KIAA1217: variants seen among roughly 807,000 people sequenced by gnomAD.
KIAA1217 encodes the protein sickle tail protein homolog.
KIAA1217 carries 88 observed loss-of-function variants against 163.9 expected under a neutral mutation model. The observed-to-expected ratio is 0.54, with a 90% CI of 0.45 to 0.64. KIAA1217 has a LOEUF of 0.64. Ranked by LOEUF, KIAA1217 falls within the 30% of genes least tolerant of loss-of-function variation. KIAA1217 has a pLI of 0.00. For synonymous variants in KIAA1217, 903 were observed against 923.1 expected, an observed-to-expected ratio of 0.98 and a Z score of 0.39; for missense variants, 2,372 against 2,475.0, an observed-to-expected ratio of 0.96 and a Z score of 0.88.
At chr10:24,452,622 C>A (rs2061466042) in intron 5 of KIAA1217, among the ~76,000 whole-genome samples, 1 of 143,714 alleles carries the variant, frequency 7.0e-6, no homozygotes, top group Admixed American at 7.3e-5. Flanking sequence ...TTTGAGCTTG[C>A]AGTGAGCCGA....
intron 1 of KIAA1217, among the ~76,000 whole-genome samples, chr10:23,807,274 A>G (rs1836787281): frequency 6.6e-6 from 1 of 152,260 alleles, no homozygotes; most frequent in African/African-American, 2.4e-5. Flanking sequence ...GTAGTTGACT[A>G]TGCTGCCATC....
intron 2 of KIAA1217, among the ~76,000 whole-genome samples, chr10:24,369,179 ATGTGTGTG>A (rs59687010): frequency 1.3e-3 from 176 of 139,636 alleles, no homozygotes; most frequent in African/African-American, 4.3e-3. Flanking sequence ...AACTTTCACT[ATGTGTGTG>A]TGTGTGTGTG....
intron 2 of KIAA1217, among the ~76,000 whole-genome samples, chr10:24,362,708 T>A (rs1322881687): frequency 1.3e-5 from 2 of 152,212 alleles, no homozygotes; most frequent in African/African-American, 4.8e-5. Context: ...TCAGAAAGTC[T>A]CTAATTTCTG....
At chr10:23,924,465 T>C (rs187073963) in intron 1 of KIAA1217, among the ~76,000 whole-genome samples, 1 of 152,298 alleles carries the variant, frequency 6.6e-6, no homozygotes, top group East Asian at 1.9e-4. Context: ...AAGAGGAAGA[T>C]GTAAAGATGA....
At chr10:24,372,200 T>C (rs1334234047) in intron 2 of KIAA1217, among the ~76,000 whole-genome samples, 1 of 152,152 alleles carries the variant, frequency 6.6e-6, no homozygotes, top group Non-Finnish European at 1.5e-5. Context: ...AAGGCTTTGA[T>C]CGGGTGCTGC....
intron 10 of KIAA1217, among the ~76,000 whole-genome samples, chr10:24,515,555 G>T (rs557454070): frequency 3.2e-4 from 49 of 152,114 alleles, no homozygotes; most frequent in Non-Finnish European, 5.3e-4. Context: ...TTGTGGGAAG[G>T]CCACAGATGA....
chr10:24,009,040 G>T (rs1301075768), intron 2 of KIAA1217, among the ~76,000 whole-genome samples: 2 of 152,162 alleles, frequency 1.3e-5, no homozygotes, highest in Non-Finnish European at 2.9e-5. Flanking sequence ...TCCGTGGGAG[G>T]AGACCCTGGC....
intron 2 of KIAA1217, among the ~76,000 whole-genome samples, chr10:24,191,560 T>C (rs978045348): frequency 6.6e-6 from 1 of 151,984 alleles, no homozygotes; most frequent in Non-Finnish European, 1.5e-5. Context: ...CAAATATATA[T>C]ATATATATAT....
intron 1 of KIAA1217, among the ~76,000 whole-genome samples, chr10:23,787,831 C>A (rs1425803219): frequency 6.6e-6 from 1 of 151,516 alleles, no homozygotes; most frequent in Admixed American, 6.6e-5. Flanking sequence ...TTTTTTAGGA[C>A]AGAAATTTGT....
chr10:23,766,221 C>T (rs1834509616), intron 1 of KIAA1217, among the ~76,000 whole-genome samples: 1 of 152,128 alleles, frequency 6.6e-6, no homozygotes, highest in South Asian at 2.1e-4. Flanking sequence ...GATTTTGTGC[C>T]CTGCAGCTGT....
rs369222847 is a variant in KIAA1217 at position 24,409,528 on chromosome 10, C to T, written c.554-23467C>T. ...TAGTCATTATCTTCATTTTGGTGAT[C>T]GTTTCATAAGTATATCCATATATCA... is the stretch of plus-strand genomic sequence containing the variant. On this transcript the variant is annotated intron_variant, in intron 3 of 20. Coordinates refer to ENST00000376454, the MANE Select transcript of KIAA1217 (RefSeq NM_019590.5). Among the ~76,000 whole-genome samples, 26 of 152,232 alleles carry T rather than the reference C, an allele frequency of 1.7e-4. No individual in the cohort carries two copies. The East Asian group carries it at 2.3e-3, about 14-fold the overall frequency.
intron 2 of KIAA1217, among the ~76,000 whole-genome samples, chr10:24,065,723 T>G (rs1385615583): frequency 6.6e-6 from 1 of 152,202 alleles, no homozygotes; most frequent in African/African-American, 2.4e-5. Flanking sequence ...CATTGATCTG[T>G]CTCATGTTGA....
intron 2 of KIAA1217, among the ~76,000 whole-genome samples, chr10:24,172,350 A>G (rs1344792833): frequency 6.6e-6 from 1 of 152,194 alleles, no homozygotes; most frequent in East Asian, 1.9e-4. Context: ...TCATAGAGAC[A>G]AGATAGACTG....
chr10:24,193,093 A>T lies in KIAA1217; in HGVS notation c.-170-26533A>T, dbSNP rs181394440. ...CACCATGCCCAGTTAATTAAAAAAA[A>T]TTTTTTTGAGAGACGGGGTCTTGCT... On this transcript the variant is annotated intron_variant, in intron 2 of 18. Transcript: ENST00000376462. 6.2e-3 allele frequency among the ~76,000 whole-genome samples: 944 copies of T among 151,986 alleles called. 7 individuals are homozygous for T. Among genetic ancestry groups the T allele is most frequent in the African/African-American group, 0.021 (880 of 41,430 alleles).
intron 13 of KIAA1217, among the ~76,000 whole-genome samples, chr10:24,525,191 C>T (rs1484986848): frequency 1.3e-5 from 2 of 152,172 alleles, no homozygotes; most frequent in African/African-American, 4.8e-5. Flanking sequence ...GACACCACTA[C>T]TGCTGAAGTT....
chr10:24,469,684 T>TC (rs1449960418), intron 5 of KIAA1217, among the ~76,000 whole-genome samples: 5 of 152,142 alleles, frequency 3.3e-5, no homozygotes, highest in African/African-American at 1.2e-4. Context: ...TTATCTCGGC[T>TC]CACTGCAACC....
chr10:23,737,323 T>C (rs897724040), intron 1 of KIAA1217, among the ~76,000 whole-genome samples: 93 of 152,074 alleles, frequency 6.1e-4, no homozygotes, highest in African/African-American at 2.1e-3. Context: ...CTCAGCCTCC[T>C]GAGTAGCTGG....
At chr10:24,466,735 T>C in intron 5 of KIAA1217, 1 of 985,476 alleles carries the variant, frequency 1.0e-6, no homozygotes. Context: ...AATCAGGACC[T>C]GAGCGAATGT....
intron 6 of KIAA1217, 52 bp from the exon 7 acceptor site, chr10:24,494,448 A>G: frequency 6.7e-7 from 1 of 1,482,644 alleles, no homozygotes; most frequent in Non-Finnish European, 9.4e-7. Context: ...CACCCGGACA[A>G]ACTGGTTTGA....
Sources: gnomAD v4.1 joint callset for allele counts (sites outside exome capture counted in the v4.1 genomes callset) on GRCh38, gnomAD v4.1.1 for gene constraint, MANE v1.5 for transcripts, NCBI Gene and HGNC (gene_info 2026-07-23, HGNC 2026-07-21) for gene names.